CACNA1C: variants seen among roughly 807,000 people sequenced by gnomAD.
CACNA1C encodes the protein calcium voltage-gated channel subunit alpha1 C.
A neutral mutation model predicts 229.0 loss-of-function variants in CACNA1C; 30 were observed. The ratio of observed to expected loss-of-function variants is 0.13; its 90% CI spans 0.10 to 0.18. CACNA1C has a LOEUF of 0.18. Ranked by LOEUF, CACNA1C falls within the 10% of genes least tolerant of loss-of-function variation. The pLI is 1.00. For missense variants in CACNA1C, 1,658 were observed against 2,845.0 expected, an observed-to-expected ratio of 0.58 and a Z score of 9.49; for synonymous variants, 1,114 against 1,132.5, an observed-to-expected ratio of 0.98 and a Z score of 0.33.
chr12:2,674,153 G>A (rs117468101), intron 38 of CACNA1C, among the ~76,000 whole-genome samples: 65 of 152,362 alleles, frequency 4.3e-4, no homozygotes, highest in Non-Finnish European at 6.9e-4. Flanking sequence ...CCCACTGCCC[G>A]TGGCAGGGCC....
At chr12:2,506,653 G>A (rs1200731627) in intron 8 of CACNA1C, among the ~76,000 whole-genome samples, 3 of 152,192 alleles carry the variant, frequency 2.0e-5, no homozygotes, top group South Asian at 2.1e-4. Context: ...GATGAGGAGC[G>A]TGAGCCCAGA....
At chr12:2,511,167 A>G (rs2099782871) in intron 8 of CACNA1C, among the ~76,000 whole-genome samples, 1 of 152,234 alleles carries the variant, frequency 6.6e-6, no homozygotes, top group South Asian at 2.1e-4. Flanking sequence ...AAACCAGAGC[A>G]TCATTAAGGC....
chr12:2,587,208 CA>C (rs5796015), intron 18 of CACNA1C, among the ~76,000 whole-genome samples: 57 of 146,022 alleles, frequency 3.9e-4, no homozygotes, highest in East Asian at 3.6e-3. Flanking sequence ...AATATTCCAA[CA>C]AAAAAAAAAT....
rs187712350 is a variant in CACNA1C at position 2,029,846 on chromosome 12, G to C, written c.139+58645G>C. 5.8e-4 allele frequency among the ~76,000 whole-genome samples: 89 copies of C among 152,334 alleles called. No individual in the cohort carries two copies. Among genetic ancestry groups the C allele is most frequent in the African/African-American group, 2.1e-3 (88 of 41,578 alleles). On this transcript the variant is annotated intron_variant, in intron 1 of 46. Transcript: ENST00000682462. This position sits in a 1 kb window ranked among gnomAD's most constrained non-coding sequence, Gnocchi z 4.9. Reference sequence around the variant, plus strand: ...AGTCTAGCTGCTGCTATGCTGGTGGGACCTGCTCTGTTAGGTTCCCTGCCT... The same window carrying C: ...AGTCTAGCTGCTGCTATGCTGGTGGCACCTGCTCTGTTAGGTTCCCTGCCT...
chr12:2,627,534 G>A (rs1218666643), intron 29 of CACNA1C, among the ~76,000 whole-genome samples: 1 of 151,990 alleles, frequency 6.6e-6, no homozygotes, highest in Non-Finnish European at 1.5e-5. Context: ...CCAGGAGCTG[G>A]GCACAGCTCC....
chr12:2,125,198 A>T (rs1257725978), intron 3 of CACNA1C, among the ~76,000 whole-genome samples: 1 of 152,158 alleles, frequency 6.6e-6, no homozygotes, highest in Non-Finnish European at 1.5e-5. Context: ...AGAGAGTTTA[A>T]GATATTCAAG....
chr12:2,149,948 A>C (rs2154211417), intron 3 of CACNA1C, among the ~76,000 whole-genome samples: 1 of 152,312 alleles, frequency 6.6e-6, no homozygotes, highest in Admixed American at 6.5e-5. Flanking sequence ...AGGAAGCAGG[A>C]AGCAAGGATG....
intron 3 of CACNA1C, among the ~76,000 whole-genome samples, chr12:2,146,050 C>T (rs2094671193): frequency 6.6e-6 from 1 of 151,164 alleles, no homozygotes; most frequent in South Asian, 2.1e-4. Context: ...GTGTAGCATT[C>T]AAATGGAAGT....
rs758489923 is a variant in CACNA1C at position 2,403,321 on chromosome 12, T to C, written c.478-45655T>C. 1.3e-5 allele frequency among the ~76,000 whole-genome samples: 2 copies of C among 152,182 alleles called. No homozygotes were observed. Among genetic ancestry groups the C allele is most frequent in the African/African-American group, 2.4e-5 (1 of 41,450 alleles). On this transcript the variant is annotated intron_variant, in intron 3 of 46. Coordinates refer to ENST00000399655, the MANE Select transcript of CACNA1C (RefSeq NM_000719.7). This position sits in a 1 kb window ranked among gnomAD's most constrained non-coding sequence, Gnocchi z 4.1. ...CACAGCTGACTAGCTGCTTGTGTCA[T>C]TGGACGAGTGACTTCCCCTCTTGTG...
At chr12:1,973,743 A>T (rs989544609) in intron 1 of CACNA1C, among the ~76,000 whole-genome samples, 3 of 152,228 alleles carry the variant, frequency 2.0e-5, no homozygotes, top group African/African-American at 7.2e-5. Flanking sequence ...AAAAATTAGG[A>T]AGCAGAAAAG....
intron 3 of CACNA1C, among the ~76,000 whole-genome samples, chr12:2,167,273 T>C (rs1325642276): frequency 6.6e-6 from 1 of 152,152 alleles, no homozygotes; most frequent in Non-Finnish European, 1.5e-5. Context: ...GAGTGAGAGT[T>C]ATCTAGTGAG....
intron 9 of CACNA1C, chr12:2,547,326 T>TA: frequency 1.6e-6 from 1 of 644,918 alleles, no homozygotes; most frequent in South Asian, 1.8e-5. Flanking sequence ...TTTTCTGTGA[T>TA]AAAAATGGAT....
intron 3 of CACNA1C, among the ~76,000 whole-genome samples, chr12:2,318,722 C>T (rs1015339821): frequency 6.6e-6 from 1 of 151,386 alleles, no homozygotes; most frequent in Admixed American, 6.6e-5. Context: ...GGACTAGGTA[C>T]CAAAGAAAGA....
intron 8 of CACNA1C, among the ~76,000 whole-genome samples, chr12:2,507,991 T>A (rs2099775463): frequency 6.6e-6 from 1 of 152,166 alleles, no homozygotes; most frequent in Admixed American, 6.5e-5. Context: ...CAGCACAGAC[T>A]GCGGGAAACA....
chr12:1,989,725 C>T (rs1467527520), intron 1 of CACNA1C, among the ~76,000 whole-genome samples: 4 of 152,126 alleles, frequency 2.6e-5, no homozygotes, highest in African/African-American at 9.7e-5. Flanking sequence ...ATTGAAAAAG[C>T]AAGAAAAGAA....
intron 3 of CACNA1C, among the ~76,000 whole-genome samples, chr12:2,214,048 G>T (rs1256749681): frequency 6.6e-6 from 1 of 152,182 alleles, no homozygotes; most frequent in Non-Finnish European, 1.5e-5. Context: ...CAGCTCTTAG[G>T]CTGAGAGTCA....
intron 9 of CACNA1C, among the ~76,000 whole-genome samples, chr12:2,533,647 G>A (rs931265911): frequency 6.6e-6 from 1 of 152,174 alleles, no homozygotes; most frequent in African/African-American, 2.4e-5. Context: ...AAAGGACAGG[G>A]GAGTCAGGAT....
intron 1 of CACNA1C, among the ~76,000 whole-genome samples, chr12:2,103,228 A>T (rs2077060783): frequency 6.6e-6 from 1 of 152,194 alleles, no homozygotes. Flanking sequence ...CTATTTCTCC[A>T]CATCCTTTCC....
Position 2,695,305 on chromosome 12 carries a change from T to G in CACNA1C, c.*4106T>G, listed in dbSNP as rs1320521735. On this transcript the variant is annotated 3_prime_UTR_variant, in exon 47 of 47. Transcript: ENST00000399655. ...GGTGGAGCCGCTGACATCTCAAGGA[T>G]CTATTTGGGAAGGTGAGAAGAGTAC... is the stretch of plus-strand genomic sequence containing the variant. 1 of 152,184 alleles carries G rather than the reference T, an allele frequency of 6.6e-6. No individual in the cohort carries two copies. The highest frequency in any genetic ancestry group is 6.5e-5 in the Admixed American group (1 of 15,282). The allele number at this position is 152,184 out of a possible 1,614,324, so 9.4% of individuals were successfully genotyped here. A position where few individuals can be genotyped will look rare whatever the true frequency, so the allele number is the denominator to read the frequency against.
Sources: allele counts gnomAD v4.1 joint callset (sites outside exome capture counted in the v4.1 genomes callset), GRCh38; gene constraint gnomAD v4.1.1; non-coding constraint Gnocchi (gnomAD v3.1); transcripts MANE v1.5; gene names NCBI Gene and HGNC (gene_info 2026-07-23, HGNC 2026-07-21).